Variants in SLC44A4 observed in about 807,000 individuals in gnomAD.
SLC44A4 encodes choline transporter-like protein 4.
Under a neutral mutation model 97.0 loss-of-function variants are expected in SLC44A4, and 74 were observed. The observed-to-expected ratio is 0.76, with a 90% CI of 0.63 to 0.93. The LOEUF is 0.93. SLC44A4 is among the 40% of genes least tolerant of loss of function. The pLI is 0.00. For missense variants in SLC44A4, 799 were observed against 902.9 expected (o/e 0.88, Z 1.48); for synonymous variants, 325 against 363.8 (o/e 0.89, Z 1.21).
chr6:31,865,776 G>A lies in SLC44A4; in HGVS notation c.1496C>T (p.Thr499Ile). 1 of 1,613,886 alleles carries A rather than the reference G, an allele frequency of 6.2e-7. No homozygotes were observed. Among genetic ancestry groups the A allele is most frequent in the Non-Finnish European group, 8.5e-7 (1 of 1,179,942 alleles). ...SAFIRTLRYH[T>I]GSLAFGALIL... ...GAGGGCTCCAAATGCCAATGACCCAGTGTGGTAACTGCAGAGGGTGTTATG... is the reference window on the plus strand; with the variant it reads ...GAGGGCTCCAAATGCCAATGACCCAATGTGGTAACTGCAGAGGGTGTTATG... The change falls in exon 15 of 21, where the codon ACT becomes ATT. Residue 499 changes from threonine (T) to isoleucine (I), a missense_variant. Transcript: ENST00000229729. The surrounding 1 kb of genome is among the most constrained non-coding windows in gnomAD (Gnocchi z 5.2).
At position 31,869,130 on chromosome 6, in the gene SLC44A4, C is replaced by G. The variant is rs145622225; in HGVS notation, c.1233+25G>C. 1.7e-4 allele frequency: 262 copies of G among 1,579,358 alleles called. No individual in the cohort carries two copies. The African/African-American group carries it at 3.1e-3, about 19-fold the overall frequency. On this transcript the variant is annotated intron_variant, in intron 13 of 20. Coordinates refer to ENST00000229729, the MANE Select transcript of SLC44A4 (RefSeq NM_025257.3). ...AGCCCCTCACCCCTACTAGTCCCGC[C>G]TCCATGTCCCCTGCTTCCTCTTACC...
Position 31,870,815 on chromosome 6 carries a change from C to A in SLC44A4, c.934G>T (p.Ala312Ser), listed in dbSNP as rs745490493. 5.0e-6 allele frequency: 8 copies of A among 1,612,866 alleles called. No individual in the cohort carries two copies. The highest frequency in any genetic ancestry group is 6.8e-6 in the Non-Finnish European group (8 of 1,179,992). ...YQSVQETWLAALIVLAVLEAI... is the reference protein window; with the variant it reads ...YQSVQETWLASLIVLAVLEAI... Reference sequence around the variant, plus strand: ...TGGGGGTGGGCAGGACACTCACGGGCGGCCAGCCAGGTCTCCTGCACGCTC... The same window carrying A: ...TGGGGGTGGGCAGGACACTCACGGGAGGCCAGCCAGGTCTCCTGCACGCTC... The change falls in exon 10 of 21, where the codon GCC becomes TCC. Residue 312 changes from alanine (A) to serine (S), a missense_variant. This residue lies in a region of SLC44A4 where 409 missense variants were observed against 434.1 expected (regional missense o/e 0.94). Transcript: ENST00000229729.
intron 9 of SLC44A4, 21 bp downstream of exon 9, chr6:31,871,293 G>T: frequency 6.2e-7 from 1 of 1,604,110 alleles, no homozygotes; most frequent in Non-Finnish European, 8.5e-7. Context: ...GACACAAGAG[G>T]AGGGGAATCT....
intron 20 of SLC44A4, chr6:31,864,327 C>T: frequency 2.2e-6 from 1 of 444,842 alleles, no homozygotes; most frequent in East Asian, 4.1e-5. Context: ...CTGCCCACCT[C>T]GGTCCCCCAA....
chr6:31,869,122 A>G, intron 13 of SLC44A4, 33 bp downstream of exon 13: 1 of 1,554,994 alleles, frequency 6.4e-7, no homozygotes, highest in African/African-American at 1.4e-5. Context: ...CACCCCTACT[A>G]GTCCCGCCTC....
intron 9 of SLC44A4, 63 bp downstream of exon 9, chr6:31,871,251 G>T: frequency 6.7e-7 from 1 of 1,503,114 alleles, no homozygotes; most frequent in South Asian, 1.1e-5. Context: ...CATTGGGCGA[G>T]GGGGTAGAGG....
At position 31,875,680 on chromosome 6, in the gene SLC44A4, G is replaced by T. The variant is rs1581855137; in HGVS notation, c.242+172C>A. On this transcript the variant is annotated intron_variant, in intron 4 of 20. Coordinates refer to ENST00000229729, the MANE Select transcript of SLC44A4 (RefSeq NM_025257.3). The stretch of plus-strand genomic sequence containing the variant: ...TCAAGAAGCTAACTGTCCAGCAATG[G>T]TTCTTAACGTGGCCTGGAGTTGTCA... The T allele has an allele frequency of 2.2e-5, 14 of 633,418 alleles. No homozygotes were observed. The East Asian group carries it at 3.4e-4, about 15-fold the overall frequency. The allele number at this position is 633,418 out of a possible 1,614,324, so 39.2% of individuals were successfully genotyped here.
intron 4 of SLC44A4, 59 bp from the exon 5 acceptor site, chr6:31,875,087 G>C: frequency 1.5e-6 from 2 of 1,368,944 alleles, no homozygotes; most frequent in Non-Finnish European, 1.0e-6. Context: ...GGGAGGGGAG[G>C]GACCACTAGG....
Position 31,870,526 on chromosome 6 carries a change from T to C in SLC44A4, c.1037+77A>G, listed in dbSNP as rs1357828566. 3 of 1,215,104 alleles carry C rather than the reference T, an allele frequency of 2.5e-6. No homozygotes were observed. In the Admixed American group the frequency reaches 6.1e-5, roughly 25 times the overall value. 75.3% of individuals were successfully genotyped at this position (1,215,104 alleles called of 1,614,324 possible). ...CCTCTGAGGCTCCCTGCCACCTCTCTAGCACCCCCTAGGTCCCCTAGCACT... is the reference window on the plus strand; with the variant it reads ...CCTCTGAGGCTCCCTGCCACCTCTCCAGCACCCCCTAGGTCCCCTAGCACT... On this transcript the variant is annotated intron_variant, in intron 11 of 20. Coordinates refer to ENST00000229729, the MANE Select transcript of SLC44A4 (RefSeq NM_025257.3).
At position 31,875,697 on chromosome 6, in the gene SLC44A4, G is replaced by T. The variant is rs148399804; in HGVS notation, c.242+155C>A. The T allele has an allele frequency of 1.3e-3, 887 of 677,308 alleles. 6 individuals carry two copies. The highest frequency in any genetic ancestry group is 4.7e-3 in the Middle Eastern group (11 of 2,356). 42.0% of individuals were successfully genotyped at this position (677,308 alleles called of 1,614,324 possible). A position where few individuals can be genotyped will look rare whatever the true frequency, so the allele number is the denominator to read the frequency against. On this transcript the variant is annotated intron_variant, in intron 4 of 20. Transcript: ENST00000229729. ...CAGCAATGGTTCTTAACGTGGCCTGGAGTTGTCAGATTCAGGGAGGCTGAG... is the reference window on the plus strand; with the variant it reads ...CAGCAATGGTTCTTAACGTGGCCTGTAGTTGTCAGATTCAGGGAGGCTGAG...
chr6:31,877,548 C>A lies in SLC44A4; in HGVS notation c.41-466G>T. On this transcript the variant is annotated intron_variant, in intron 1 of 20. Coordinates refer to ENST00000229729, the MANE Select transcript of SLC44A4 (RefSeq NM_025257.3). This position sits in a 1 kb window ranked among gnomAD's most constrained non-coding sequence, Gnocchi z 6.5. ...TCATGGCCTCTTCCCCTATCTGCCC[C>A]AGGCCCTACCTTACCCTCTGGTTCA... The A allele has an allele frequency of 1.0e-6, 1 of 980,982 alleles. No homozygotes were observed. The highest frequency in any genetic ancestry group is 1.2e-6 in the Non-Finnish European group (1 of 822,456). 60.8% of individuals were successfully genotyped at this position (980,982 alleles called of 1,614,324 possible).
rs769211056 is a variant in SLC44A4 at position 31,864,643 on chromosome 6, G to A, written c.2011+9C>T. ...AGGTTGGGGACAGGTGGCTGGGGGT[G>A]TCACTCACGGAAGCAGAGGAAGAGC... On this transcript the variant is annotated intron_variant, in intron 20 of 20. Coordinates refer to ENST00000229729, the MANE Select transcript of SLC44A4 (RefSeq NM_025257.3). The A allele has an allele frequency of 1.2e-6, 2 of 1,613,038 alleles. No individual in the cohort carries two copies. Among genetic ancestry groups the A allele is most frequent in the South Asian group, 2.2e-5 (2 of 91,066 alleles).
chr6:31,863,469 G>C lies in SLC44A4; in HGVS notation c.*158C>G. ...CTCGAACTCCTGACTCAGGTGATCC[G>C]CCCGCCTCAGCCTCTCAAAGTGTTG... On this transcript the variant is annotated 3_prime_UTR_variant, in exon 21 of 21. Transcript: ENST00000229729. 2 of 1,044,080 alleles carry C rather than the reference G, an allele frequency of 1.9e-6. No individual in the cohort carries two copies. Among genetic ancestry groups the C allele is most frequent in the South Asian group, 4.0e-5 (2 of 49,542 alleles). The allele number at this position is 1,044,080 out of a possible 1,614,324, so 64.7% of individuals were successfully genotyped here.
rs1193576821 is a variant in SLC44A4, at chr6:31,877,024, C to T, written c.89+10G>A. On this transcript the variant is annotated intron_variant, in intron 2 of 20. Coordinates refer to ENST00000229729, the MANE Select transcript of SLC44A4 (RefSeq NM_025257.3). The surrounding 1 kb of genome is among the most constrained non-coding windows in gnomAD (Gnocchi z 6.5). ...CCCCGCCAGCCCCCGGAGCAGTGCCCAGAGCTCACCTGTTCTTGATGGGGC... is the reference window on the plus strand; with the variant it reads ...CCCCGCCAGCCCCCGGAGCAGTGCCTAGAGCTCACCTGTTCTTGATGGGGC... The T allele has an allele frequency of 7.5e-6, 12 of 1,607,358 alleles. No individual in the cohort carries two copies. The highest frequency in any genetic ancestry group is 1.6e-4 in the Middle Eastern group (1 of 6,078).
Position 31,865,920 on chromosome 6 carries a change from C to T in SLC44A4, c.1440G>A (p.Gln480=), listed in dbSNP as rs773617769. Residue 480 remains glutamine, a synonymous_variant, in exon 14 of 21, where the codon CAG becomes CAA. Coordinates refer to ENST00000229729, the MANE Select transcript of SLC44A4 (RefSeq NM_025257.3). The surrounding 1 kb of genome is among the most constrained non-coding windows in gnomAD (Gnocchi z 5.2). ...AGATTAAGGGGAAGGTAGGGATGTCCTGGGGCTTGTGGAAGGCCCAGTAGA... is the reference window on the plus strand; with the variant it reads ...AGATTAAGGGGAAGGTAGGGATGTCTTGGGGCTTGTGGAAGGCCCAGTAGA... The part of the protein sequence containing the change: ...ASFYWAFHKP[Q]DIPTFPLISA... 1.2e-6 allele frequency: 2 copies of T among 1,614,170 alleles called. No individual in the cohort carries two copies. The highest frequency in any genetic ancestry group is 1.1e-5 in the South Asian group (1 of 91,082).
intron 4 of SLC44A4, 58 bp from the exon 5 acceptor site, chr6:31,875,086 G>C: frequency 7.3e-7 from 1 of 1,372,342 alleles, no homozygotes; most frequent in Non-Finnish European, 1.0e-6. Context: ...GGGGAGGGGA[G>C]GGACCACTAG....
In SLC44A4 at chr6:31,865,450, C is replaced by T; in HGVS notation, c.1686+48G>A. 1 of 1,612,824 alleles carries T rather than the reference C, an allele frequency of 6.2e-7. No homozygotes were observed. Among genetic ancestry groups the T allele is most frequent in the South Asian group, 1.1e-5 (1 of 91,052 alleles). On this transcript the variant is annotated intron_variant, in intron 16 of 20. Coordinates refer to ENST00000229729, the MANE Select transcript of SLC44A4 (RefSeq NM_025257.3). The surrounding 1 kb of genome is among the most constrained non-coding windows in gnomAD (Gnocchi z 5.2). ...GCTGCCTGGACCAGGATGGGGGTGT[C>T]TAGACCAAAGGGCACCAGAACAAAG... is the stretch of plus-strand genomic sequence containing the variant.
rs761179195 is a variant in SLC44A4 at position 31,870,608 on chromosome 6, G to A, written c.1032C>T (p.Ala344=). The A allele has an allele frequency of 6.3e-7, 1 of 1,597,476 alleles. No individual in the cohort carries two copies. The highest frequency in any genetic ancestry group is 8.5e-7 in the Non-Finnish European group (1 of 1,172,886). The change falls in exon 11 of 21, where the codon GCC becomes GCT. Residue 344 remains alanine, a synonymous_variant. Coordinates refer to ENST00000229729, the MANE Select transcript of SLC44A4 (RefSeq NM_025257.3). The stretch of plus-strand genomic sequence containing the variant: ...CCTCCCAGGCAGGCCCTAACTTGCT[G>A]GCCTCCTTCAGGAGGGCGATGGCAA... ...IRIAIALLKE[A]SKAVGQMMST...
intron 10 of SLC44A4, 55 bp from the exon 11 acceptor site, chr6:31,870,757 T>G (rs1763117525): frequency 2.5e-6 from 4 of 1,611,900 alleles, no homozygotes; most frequent in Non-Finnish European, 3.4e-6. Context: ...GGGCCGGGCA[T>G]GGCCCAGGGC....
Sources: allele counts gnomAD v4.1 joint callset, GRCh38; gene constraint gnomAD v4.1.1; regional missense constraint gnomAD v4.1.1; non-coding constraint Gnocchi (gnomAD v3.1); transcripts MANE v1.5; gene names NCBI Gene and HGNC (gene_info 2026-07-23, HGNC 2026-07-21).